Variants in MOV10L1 observed in about 807,000 individuals in gnomAD.
The protein encoded by MOV10L1 is RNA helicase Mov10l1.
A neutral mutation model predicts 143.8 loss-of-function variants in MOV10L1; 110 were observed. The ratio of observed to expected loss-of-function variants is 0.76; its 90% CI spans 0.66 to 0.90. MOV10L1 has a LOEUF of 0.90. Ranked by LOEUF, MOV10L1 falls within the 40% of genes least tolerant of loss-of-function variation. The pLI is 0.00. For missense variants in MOV10L1, 1,406 were observed against 1,526.8 expected (o/e 0.92, Z 1.32); for synonymous variants, 593 against 581.1 (o/e 1.02, Z -0.29).
intron 18 of MOV10L1, among the ~76,000 whole-genome samples, chr22:50,144,577 G>C (rs1017143515): frequency 2.9e-5 from 4 of 140,180 alleles, no homozygotes; most frequent in African/African-American, 1.0e-4. Flanking sequence ...GGTGTTTTTT[G>C]TTTTGTTTTG....
intron 15 of MOV10L1, among the ~76,000 whole-genome samples, chr22:50,138,620 A>G (rs2147317470): frequency 6.6e-6 from 1 of 152,276 alleles, no homozygotes; most frequent in South Asian, 2.1e-4. Flanking sequence ...GTTAGAACTA[A>G]TAAGTGATTT....
intron 5 of MOV10L1, among the ~76,000 whole-genome samples, chr22:50,110,627 T>G (rs1019973667): frequency 9.2e-5 from 14 of 152,034 alleles, no homozygotes; most frequent in African/African-American, 3.4e-4. Flanking sequence ...ATGTAGTTGG[T>G]TCTTAAAATT....
rs1015596756 is a variant in MOV10L1, at chr22:50,149,512, G to T, written c.2628-103G>T. Reference sequence around the variant, plus strand: ...CTCCTGCACACCCCTGGGCAACCCTGCTGTGCCCCCGGGGTGCTGAGCGTG... The same window carrying T: ...CTCCTGCACACCCCTGGGCAACCCTTCTGTGCCCCCGGGGTGCTGAGCGTG... On this transcript the variant is annotated intron_variant, in intron 19 of 26. Transcript: ENST00000262794. 4 of 1,158,538 alleles carry T rather than the reference G, an allele frequency of 3.5e-6. No individual in the cohort carries two copies. The African/African-American group carries it at 6.1e-5, about 18-fold the overall frequency. 71.8% of individuals were successfully genotyped at this position (1,158,538 alleles called of 1,614,324 possible).
rs908227519 is a variant in MOV10L1 at position 50,090,190 on chromosome 22, C to T, written c.97+5C>T. On this transcript the variant is annotated splice_donor_5th_base_variant and intron_variant, in intron 1 of 26. Coordinates refer to ENST00000262794, the MANE Select transcript of MOV10L1 (RefSeq NM_018995.3). The stretch of plus-strand genomic sequence containing the variant: ...TGGAGCCCGAGCTCGCGGAAGGTGG[C>T]TCGCGGGAGGCGGCTGGGAGGCGGG... 112 of 1,416,580 alleles carry T rather than the reference C, an allele frequency of 7.9e-5. No homozygotes were observed. Among genetic ancestry groups the T allele is most frequent in the Non-Finnish European group, 9.9e-5 (108 of 1,086,496 alleles). 87.8% of individuals were successfully genotyped at this position (1,416,580 alleles called of 1,614,324 possible).
chr22:50,153,092 G>A lies in MOV10L1; in HGVS notation c.2940G>A (p.Met980Ile), dbSNP rs113994716. ...KNYRSHEALL[M>I]LPSRLFYHRE... ...ACCGGTCCCACGAGGCCCTGCTGAT[G>A]CTGCCCTCACGGCTGTTCTACCACA... The change falls in exon 22 of 27, where the codon ATG becomes ATA. Residue 980 changes from methionine to isoleucine, a missense_variant. Transcript: ENST00000262794. 4.3e-4 allele frequency: 693 copies of A among 1,613,000 alleles called. 1 individual carries two copies. Among genetic ancestry groups the A allele is most frequent in the African/African-American group, 1.4e-3 (106 of 75,032 alleles).
intron 10 of MOV10L1, among the ~76,000 whole-genome samples, chr22:50,123,460 G>A (rs1447817012): frequency 2.0e-5 from 3 of 152,082 alleles, no homozygotes; most frequent in African/African-American, 7.2e-5. Flanking sequence ...GAGCTCCTGG[G>A]CTCAAGCAAT....
At chr22:50,142,498 C>G (rs956550302) in intron 16 of MOV10L1, among the ~76,000 whole-genome samples, 3 of 152,118 alleles carry the variant, frequency 2.0e-5, no homozygotes, top group Non-Finnish European at 4.4e-5. Context: ...TCATTTTCCT[C>G]TCAGCAGCTG....
In MOV10L1 at chr22:50,111,287, GAGGAA is replaced by G. The variant is rs757861138; in HGVS notation, c.744-2354_744-2350del. On this transcript the variant is annotated intron_variant, in intron 5 of 26. Coordinates refer to ENST00000262794, the MANE Select transcript of MOV10L1 (RefSeq NM_018995.3). ...CACATGACTGAATACACATTTGCAA[GAGGAA>G]AGGAAAAGGAACAGGGAGGGAGAGT... Among the ~76,000 whole-genome samples the G allele has an allele frequency of 3.0e-4, 45 of 152,232 alleles. 3 individuals are homozygous for G. Among genetic ancestry groups the G allele is most frequent in the South Asian group, 2.9e-3 (14 of 4,822 alleles).
chr22:50,092,553 G>A (rs1216492956), intron 2 of MOV10L1, among the ~76,000 whole-genome samples: 6 of 152,090 alleles, frequency 3.9e-5, no homozygotes, highest in East Asian at 3.9e-4. Context: ...CGGGAGGATC[G>A]CTTGAGCCCA....
chr22:50,142,732 A>C lies in MOV10L1; in HGVS notation c.2180-311A>C, dbSNP rs376256204. On this transcript the variant is annotated intron_variant, in intron 16 of 26. Coordinates refer to ENST00000262794, the MANE Select transcript of MOV10L1 (RefSeq NM_018995.3). Reference sequence around the variant, plus strand: ...GCGCCTGTGGTCCCAGCTACCCGGGAGGCTGACGTGGGAGGATCGCTTGAG... The same window carrying C: ...GCGCCTGTGGTCCCAGCTACCCGGGCGGCTGACGTGGGAGGATCGCTTGAG... Among the ~76,000 whole-genome samples the C allele has an allele frequency of 3.9e-5, 6 of 151,918 alleles. No homozygotes were observed. The East Asian group carries it at 1.2e-3, about 29-fold the overall frequency.
chr22:50,113,292 C>T (rs1030763967), intron 5 of MOV10L1, among the ~76,000 whole-genome samples: 1 of 152,194 alleles, frequency 6.6e-6, no homozygotes, highest in African/African-American at 2.4e-5. Context: ...CCCATGCTTC[C>T]CCCACCACCA....
intron 2 of MOV10L1, chr22:50,094,506 TCTC>T (rs1485696934): frequency 6.6e-6 from 1 of 151,898 alleles, no homozygotes; most frequent in Non-Finnish European, 1.5e-5. Context: ...TTCACACCAT[TCTC>T]CTGCCTCAGC....
At chr22:50,093,972 C>G (rs1425342074) in intron 2 of MOV10L1, 1 of 152,234 alleles carries the variant, frequency 6.6e-6, no homozygotes, top group Non-Finnish European at 1.5e-5. Flanking sequence ...ATCAGAATCC[C>G]ACCTGCATGT....
chr22:50,099,389 T>G (rs1012856419), intron 2 of MOV10L1, 54 bp from the exon 3 acceptor site: 4 of 1,580,450 alleles, frequency 2.5e-6, no homozygotes, highest in African/African-American at 2.7e-5. Context: ...GCCTGTAGTT[T>G]GCTTTTCTTG....
intron 19 of MOV10L1, chr22:50,146,827 G>C: frequency 2.1e-6 from 1 of 482,932 alleles, no homozygotes; most frequent in Non-Finnish European, 3.8e-6. Flanking sequence ...TCACATACAT[G>C]ATGTCCTTTC....
intron 15 of MOV10L1, among the ~76,000 whole-genome samples, chr22:50,137,841 C>CATATATAAATATACATATTTTATATATAA (rs2062873281): frequency 2.5e-5 from 2 of 80,266 alleles, no homozygotes; most frequent in African/African-American, 7.6e-5. Context: ...TTTATATATA[C>CATATATAAATATACATATTTTATATATAA]ATATATAAAT....
intron 14 of MOV10L1, among the ~76,000 whole-genome samples, 164 bp downstream of exon 14, chr22:50,134,229 A>G (rs1188824062): frequency 6.6e-6 from 1 of 152,196 alleles, no homozygotes; most frequent in Non-Finnish European, 1.5e-5. Flanking sequence ...TTTTCTTACT[A>G]TTTCAACTTA....
chr22:50,160,926 A>C, intron 25 of MOV10L1, 38 bp from the exon 26 acceptor site: 4 of 1,613,654 alleles, frequency 2.5e-6, no homozygotes, highest in Middle Eastern at 3.3e-4. Context: ...TGGGGCCTTC[A>C]CTTGCTCTCA....
chr22:50,114,519 G>T lies in MOV10L1; in HGVS notation c.1023G>T (p.Glu341Asp). Residue 341 changes from glutamate (E) to aspartate (D), a missense_variant, in exon 7 of 27, where the codon GAG (glutamate) becomes GAT (aspartate). Physicochemically the swap from Glu to Asp is conservative, Grantham distance 45. Around this residue, in one of 3 missense-constraint regions of MOV10L1, gnomAD observed 1,233 missense variants for 1,351.4 expected, o/e 0.91. Transcript: ENST00000262794. ...VVSFVSVPEK[E>D]NSSDENINSL... is the part of the protein sequence containing the mutation. ...CTTTTGTTTCTGTTCCTGAGAAGGA[G>T]AATTCATCAGATGAAAATATTAATT... 1 of 1,614,196 alleles carries T rather than the reference G, an allele frequency of 6.2e-7. No homozygotes were observed.
Sources: allele counts gnomAD v4.1 joint callset (sites outside exome capture counted in the v4.1 genomes callset), GRCh38; gene constraint gnomAD v4.1.1; regional missense constraint gnomAD v4.1.1; transcripts MANE v1.5; gene names NCBI Gene and HGNC (gene_info 2026-07-23, HGNC 2026-07-21).